HEXB: variants seen among roughly 807,000 people sequenced by gnomAD.
HEXB encodes beta-hexosaminidase subunit beta.
A neutral mutation model predicts 71.2 loss-of-function variants in HEXB; 51 were observed. The observed-to-expected ratio is 0.72, with a 90% CI of 0.57 to 0.90. HEXB has a LOEUF of 0.90. Ranked by LOEUF, HEXB falls within the 40% of genes least tolerant of loss-of-function variation. The probability of loss-of-function intolerance (pLI) is 0.00; values close to 1 mark genes in which losing one functional copy is unlikely to be tolerated. For missense variants in HEXB, 617 were observed against 677.0 expected (o/e 0.91, Z 0.98); for synonymous variants, 266 against 249.3 (o/e 1.07, Z -0.63).
intron 9 of HEXB, among the ~76,000 whole-genome samples, chr5:74,717,252 A>G (rs568100230): frequency 6.6e-5 from 10 of 152,278 alleles, no homozygotes; most frequent in Non-Finnish European, 1.0e-4. Flanking sequence ...TGAAGTCTTC[A>G]CTACCATCCA....
rs60295789 is a variant in HEXB, at chr5:74,702,067, C to CTTTTT, written c.670-3127_670-3123dup. ...TCTGCAACTGACTATCTTTCCTTGT[C>CTTTTT]TTTTTTTTTTTTTTTTTTTTTTTTT... On this transcript the variant is annotated intron_variant, in intron 5 of 13. Transcript: ENST00000261416. Among the ~76,000 whole-genome samples, 20 of 60,590 alleles carry CTTTTT rather than the reference C, an allele frequency of 3.3e-4. 1 individual carries two copies. Among genetic ancestry groups the CTTTTT allele is most frequent in the South Asian group, 1.8e-3 (2 of 1,098 alleles). The allele number at this position is 60,590 out of a possible 152,430, so 39.7% of individuals were successfully genotyped here. A position where few individuals can be genotyped will look rare whatever the true frequency, so the allele number is the denominator to read the frequency against.
chr5:74,654,005 T>C (rs1285545287), intron 1 of HEXB, among the ~76,000 whole-genome samples: 2 of 152,128 alleles, frequency 1.3e-5, no homozygotes, highest in African/African-American at 4.8e-5. Flanking sequence ...ACTTATCCTA[T>C]GGACGCCAGC....
chr5:74,702,882 C>T (rs866744578), intron 5 of HEXB, among the ~76,000 whole-genome samples: 9 of 152,158 alleles, frequency 5.9e-5, no homozygotes, highest in South Asian at 2.1e-4. Context: ...TTTAAGTATT[C>T]GTTATTTTTA....
intron 2 of HEXB, among the ~76,000 whole-genome samples, chr5:74,692,690 T>C (rs969402028): frequency 6.6e-6 from 1 of 152,258 alleles, no homozygotes; most frequent in Non-Finnish European, 1.5e-5. Flanking sequence ...CTAACTATTC[T>C]GTGAGCATCT....
intron 6 of HEXB, among the ~76,000 whole-genome samples, chr5:74,706,613 G>A (rs6870622): frequency 0.18 from 27,882 of 152,156 alleles, 3,381 homozygotes; most frequent in African/African-American, 0.35. Context: ...CTTTTCCGAC[G>A]GGCTTAGGAA....
At chr5:74,687,745 G>A (rs1163273568) in intron 1 of HEXB, among the ~76,000 whole-genome samples, 1 of 152,144 alleles carries the variant, frequency 6.6e-6, no homozygotes, top group African/African-American at 2.4e-5. Context: ...CCTTTTGTAA[G>A]TATGTATTTC....
Position 74,718,857 on chromosome 5 carries a change from A to ACTACT in HEXB, c.1303_1304insCTACT (p.Arg435ThrfsTer11). ...CAGCGCATATCCTGAGGAACTCAGT[A>ACTACT]GAGTCACAGCATCTGGCTTCCCTGT... On this transcript the variant is annotated frameshift_variant, in exon 11 of 14. Coordinates refer to ENST00000261416, the MANE Select transcript of HEXB (RefSeq NM_000521.4). LOFTEE classifies it high-confidence loss of function. 1 of 1,614,124 alleles carries ACTACT rather than the reference A, an allele frequency of 6.2e-7. No homozygotes were observed. Among genetic ancestry groups the ACTACT allele is most frequent in the Non-Finnish European group, 8.5e-7 (1 of 1,179,966 alleles).
intron 1 of HEXB, among the ~76,000 whole-genome samples, chr5:74,687,254 A>G (rs1040955167): frequency 1.3e-5 from 2 of 152,222 alleles, no homozygotes; most frequent in South Asian, 2.1e-4. Flanking sequence ...GAGTAAAAGC[A>G]CAGTGGAGTT....
chr5:74,713,661 T>G, intron 7 of HEXB, 26 bp downstream of exon 7: 1 of 1,591,788 alleles, frequency 6.3e-7, no homozygotes, highest in Non-Finnish European at 8.6e-7. Context: ...TTATTTCATT[T>G]TATCTTATTT....
intron 1 of HEXB, among the ~76,000 whole-genome samples, chr5:74,653,510 G>C (rs1342516461): frequency 6.6e-6 from 1 of 152,178 alleles, no homozygotes; most frequent in African/African-American, 2.4e-5. Context: ...CCAGGCCATG[G>C]TTTCAGGGCT....
At chr5:74,685,128 T>G, upstream of HEXB, 2 of 939,906 alleles carry the variant, frequency 2.1e-6, no homozygotes, top group South Asian at 1.9e-5. Flanking sequence ...GGAGGCGGAG[T>G]CGGGGGCGGG....
intron 1 of HEXB, among the ~76,000 whole-genome samples, chr5:74,661,014 G>GAGAGAGAGAGAGAGAGAT (rs1748308692): frequency 6.8e-6 from 1 of 147,986 alleles, no homozygotes; most frequent in African/African-American, 2.4e-5. Flanking sequence ...GGGTCAGTGA[G>GAGAGAGAGAGAGAGAGAT]AGAGAGAGAG....
At chr5:74,678,972 A>G (rs1307615929) in intron 1 of HEXB, among the ~76,000 whole-genome samples, 3 of 152,214 alleles carry the variant, frequency 2.0e-5, no homozygotes, top group South Asian at 4.1e-4. Context: ...CAAAATTGAA[A>G]AAGATTAATA....
intron 2 of HEXB, 121 bp downstream of exon 2, chr5:74,689,594 A>G (rs913593917): frequency 2.4e-6 from 2 of 838,688 alleles, no homozygotes; most frequent in African/African-American, 3.4e-5. Flanking sequence ...TATGATTCCT[A>G]TTTTAAAAAT....
intron 1 of HEXB, among the ~76,000 whole-genome samples, chr5:74,644,158 G>A (rs1404093927): frequency 1.3e-5 from 2 of 152,240 alleles, no homozygotes; most frequent in African/African-American, 4.8e-5. Flanking sequence ...GGGAAGCAGG[G>A]TGGACAGATG....
chr5:74,646,906 G>A (rs2112068397), intron 1 of HEXB, among the ~76,000 whole-genome samples: 1 of 152,250 alleles, frequency 6.6e-6, no homozygotes, highest in South Asian at 2.1e-4. Context: ...AAAAAACGAA[G>A]CTGCTGCAAA....
intron 1 of HEXB, among the ~76,000 whole-genome samples, chr5:74,642,164 G>A (rs950741635): frequency 6.6e-5 from 10 of 152,152 alleles, no homozygotes; most frequent in African/African-American, 2.4e-4. Flanking sequence ...CCTGGTATTT[G>A]CGCCGAGAAA....
At chr5:74,718,741 A>T in intron 10 of HEXB, 56 bp from the exon 11 acceptor site, 1 of 1,526,946 alleles carries the variant, frequency 6.5e-7, no homozygotes, top group Non-Finnish European at 9.1e-7. Context: ...TAAACTTTCA[A>T]TTTCATCTAC....
chr5:74,657,208 T>A (rs1002114440), intron 1 of HEXB, among the ~76,000 whole-genome samples: 7 of 152,032 alleles, frequency 4.6e-5, no homozygotes, highest in African/African-American at 1.7e-4. Context: ...GTGGCTTCCA[T>A]CTCCTTTCCA....
Sources: gnomAD v4.1 joint callset for allele counts (sites outside exome capture counted in the v4.1 genomes callset) on GRCh38, gnomAD v4.1.1 for gene constraint, MANE v1.5 for transcripts, NCBI Gene and HGNC (gene_info 2026-07-23, HGNC 2026-07-21) for gene names.